LRRC4C: variants seen among roughly 807,000 people sequenced by gnomAD.
The protein encoded by LRRC4C is leucine-rich repeat-containing protein 4C.
Under a neutral mutation model 33.6 loss-of-function variants are expected in LRRC4C, and 5 were observed. That is an observed-to-expected ratio of 0.15 (90% CI 0.08 to 0.31). The LOEUF (loss-of-function observed/expected upper bound fraction) is 0.31, where lower values mean the gene tolerates loss of function less well. LRRC4C is among the 10% of genes least tolerant of loss of function. The pLI, the probability that LRRC4C is intolerant of heterozygous loss-of-function variation, is 1.00. For synonymous variants in LRRC4C, 329 were observed against 302.0 expected (o/e 1.09, Z -0.93); for missense variants, 560 against 796.7 (o/e 0.70, Z 3.58).
chr11:40,870,592 A>C (rs989780163), intron 2 of LRRC4C, among the ~76,000 whole-genome samples: 2 of 152,162 alleles, frequency 1.3e-5, no homozygotes, highest in East Asian at 3.8e-4. Flanking sequence ...CTTTACTGCA[A>C]TCTCTGAACA....
chr11:41,411,274 G>A (rs1292921347), intron 1 of LRRC4C, among the ~76,000 whole-genome samples: 13 of 149,692 alleles, frequency 8.7e-5, no homozygotes, highest in East Asian at 4.0e-4. Flanking sequence ...TCAGCCTCCC[G>A]AGCAGCTGGG....
chr11:40,971,636 A>C (rs1851736135), intron 1 of LRRC4C, among the ~76,000 whole-genome samples: 1 of 152,148 alleles, frequency 6.6e-6, no homozygotes, highest in Non-Finnish European at 1.5e-5. Flanking sequence ...TGCCTAGTGC[A>C]TCTGTGAGAA....
chr11:40,731,853 C>T (rs964119727), intron 2 of LRRC4C, among the ~76,000 whole-genome samples: 1 of 151,972 alleles, frequency 6.6e-6, no homozygotes, highest in Non-Finnish European at 1.5e-5. Flanking sequence ...ATGAAAGGTG[C>T]TTTGTTACTC....
At chr11:41,133,674 A>G (rs1943125450) in intron 1 of LRRC4C, among the ~76,000 whole-genome samples, 1 of 151,890 alleles carries the variant, frequency 6.6e-6, no homozygotes, top group Non-Finnish European at 1.5e-5. Flanking sequence ...GACAGAACAG[A>G]CTCTTTGTGA....
intron 1 of LRRC4C, among the ~76,000 whole-genome samples, chr11:41,417,051 C>T (rs570373596): frequency 1.3e-5 from 2 of 152,084 alleles, no homozygotes; most frequent in East Asian, 3.9e-4. Flanking sequence ...GAAATAGATG[C>T]TCCTTACTGA....
chr11:41,417,916 A>ATG (rs151022015), intron 1 of LRRC4C, among the ~76,000 whole-genome samples: 35 of 150,214 alleles, frequency 2.3e-4, no homozygotes, highest in East Asian at 2.2e-3. Flanking sequence ...TATATGGTGT[A>ATG]TGTGTGTGTG....
At chr11:40,832,653 A>G (rs1000427087) in intron 2 of LRRC4C, among the ~76,000 whole-genome samples, 1 of 152,130 alleles carries the variant, frequency 6.6e-6, no homozygotes, top group Non-Finnish European at 1.5e-5. Context: ...CTCTCTACCA[A>G]CTTTTTCTGG....
chr11:41,253,991 T>C (rs1948721726), intron 1 of LRRC4C, among the ~76,000 whole-genome samples: 1 of 152,096 alleles, frequency 6.6e-6, no homozygotes, highest in South Asian at 2.1e-4. Flanking sequence ...AGCTGAGTTT[T>C]AAGTGTCAAT....
intron 6 of LRRC4C, among the ~76,000 whole-genome samples, chr11:40,125,750 T>C (rs758901392): frequency 6.6e-6 from 1 of 152,200 alleles, no homozygotes; most frequent in Non-Finnish European, 1.5e-5. Context: ...TGCAAAATCA[T>C]TTATCTGGAC....
intron 2 of LRRC4C, among the ~76,000 whole-genome samples, chr11:40,798,059 C>G (rs1591750067): frequency 6.6e-6 from 1 of 152,180 alleles, no homozygotes; most frequent in Admixed American, 6.6e-5. Flanking sequence ...GTACTGGCAG[C>G]TCTTTGCTCC....
chr11:40,563,439 G>A lies in LRRC4C; in HGVS notation c.-270+84703C>T, dbSNP rs192112940. On this transcript the variant is annotated intron_variant, in intron 3 of 6. Coordinates refer to ENST00000528697, the MANE Select transcript of LRRC4C (RefSeq NM_001258419.2). ...TGAGAGTAACAACACCTACAAGGAC[G>A]GTGGAGTGGGATGATTATGATTAAA... is the stretch of plus-strand genomic sequence containing the variant. Among the ~76,000 whole-genome samples, 27 of 152,276 alleles carry A rather than the reference G, an allele frequency of 1.8e-4. No individual in the cohort carries two copies. In the East Asian group the frequency reaches 4.3e-3, roughly 24 times the overall value.
chr11:41,103,761 T>A (rs1400263139), intron 1 of LRRC4C, among the ~76,000 whole-genome samples: 1 of 151,868 alleles, frequency 6.6e-6, no homozygotes, highest in Non-Finnish European at 1.5e-5. Context: ...ATCAAGAGAG[T>A]ATGGTGTTTG....
At chr11:40,283,986 A>C (rs1251532573) in intron 4 of LRRC4C, among the ~76,000 whole-genome samples, 1 of 152,116 alleles carries the variant, frequency 6.6e-6, no homozygotes, top group Non-Finnish European at 1.5e-5. Flanking sequence ...TACAGGTGTG[A>C]GCCACCACAC....
chr11:40,243,269 C>T (rs1055338160), intron 4 of LRRC4C, among the ~76,000 whole-genome samples: 4 of 152,146 alleles, frequency 2.6e-5, no homozygotes, highest in Non-Finnish European at 4.4e-5. Context: ...GCAATTTTAG[C>T]AGTGGAGCTC....
intron 1 of LRRC4C, among the ~76,000 whole-genome samples, chr11:41,147,671 C>T (rs1943788372): frequency 2.0e-5 from 3 of 152,266 alleles, no homozygotes; most frequent in Middle Eastern, 3.4e-3. Flanking sequence ...TTTTTCACTA[C>T]CTAAACCTAA....
chr11:40,490,299 T>C (rs1461083463), intron 3 of LRRC4C, among the ~76,000 whole-genome samples: 1 of 152,132 alleles, frequency 6.6e-6, no homozygotes, highest in Non-Finnish European at 1.5e-5. Context: ...AAAGCACTCA[T>C]CTGCCTTTTC....
At chr11:40,578,828 A>G (rs1019992684) in intron 3 of LRRC4C, among the ~76,000 whole-genome samples, 1 of 152,224 alleles carries the variant, frequency 6.6e-6, no homozygotes, top group Admixed American at 6.5e-5. Context: ...ATGAGACCAA[A>G]GATTTGTGTC....
intron 3 of LRRC4C, among the ~76,000 whole-genome samples, chr11:40,332,373 G>T (rs371554623): frequency 1.3e-5 from 2 of 152,226 alleles, no homozygotes; most frequent in East Asian, 3.9e-4. Context: ...GTGTCTTCCT[G>T]TAAGTCTAAT....
At chr11:40,239,808 C>T (rs139724043) in intron 5 of LRRC4C, among the ~76,000 whole-genome samples, 1 of 152,286 alleles carries the variant, frequency 6.6e-6, no homozygotes, top group East Asian at 1.9e-4. Context: ...TGGGTGTTAG[C>T]CAGGCTGGAT....
Sources: allele counts gnomAD v4.1 joint callset (sites outside exome capture counted in the v4.1 genomes callset), GRCh38; gene constraint gnomAD v4.1.1; transcripts MANE v1.5; gene names NCBI Gene and HGNC (gene_info 2026-07-23, HGNC 2026-07-21).